The following HADHA variants were observed in gnomAD, a reference collection of about 807,000 sequenced individuals.
The protein encoded by HADHA is trifunctional enzyme subunit alpha, mitochondrial.
Under a neutral mutation model 91.3 loss-of-function variants are expected in HADHA, and 59 were observed. That is an observed-to-expected ratio of 0.65 (90% CI 0.52 to 0.80). The LOEUF (loss-of-function observed/expected upper bound fraction) is 0.80, where lower values mean the gene tolerates loss of function less well. Ranked by LOEUF, HADHA falls within the 30% of genes least tolerant of loss-of-function variation. The pLI is 0.00. For synonymous variants in HADHA, 320 were observed against 338.9 expected, an observed-to-expected ratio of 0.94 and a Z score of 0.61; for missense variants, 800 against 927.6, an observed-to-expected ratio of 0.86 and a Z score of 1.79.
At chr2:26,211,876 T>C (rs1670108906) in intron 10 of HADHA, 1 of 152,204 alleles carries the variant, frequency 6.6e-6, no homozygotes, top group South Asian at 2.1e-4. Context: ...AAAAATTCAA[T>C]TTCATCATCT....
At chr2:26,212,927 C>A (rs1239983859) in intron 9 of HADHA, among the ~76,000 whole-genome samples, 1 of 152,202 alleles carries the variant, frequency 6.6e-6, no homozygotes, top group Non-Finnish European at 1.5e-5. Context: ...CCACTTTCAG[C>A]CCTTTTCACT....
intron 13 of HADHA, chr2:26,199,374 CA>C: frequency 6.6e-6 from 1 of 152,182 alleles, no homozygotes; most frequent in East Asian, 1.9e-4. Flanking sequence ...TCTCTAACAA[CA>C]AAAAAACAAA....
Position 26,201,856 on chromosome 2 carries a change from G to A in HADHA, c.1221-536C>T, listed in dbSNP as rs1201843967. ...GTTGCCCAGGCTGGAGTGCAGTGGC[G>A]TGATCTCAGCTCACTGCAACCTCTT... On this transcript the variant is annotated intron_variant, in intron 12 of 19. Coordinates refer to ENST00000380649, the MANE Select transcript of HADHA (RefSeq NM_000182.5). Among the ~76,000 whole-genome samples, 7 of 151,424 alleles carry A rather than the reference G, an allele frequency of 4.6e-5. No individual in the cohort carries two copies. The South Asian group carries it at 6.2e-4, about 13-fold the overall frequency.
chr2:26,191,352 C>T lies in HADHA; in HGVS notation c.2190G>A (p.Val730=), dbSNP rs762118700. 6.2e-7 allele frequency: 1 copy of T among 1,614,176 alleles called. No homozygotes were observed. Among genetic ancestry groups the T allele is most frequent in the South Asian group, 1.1e-5 (1 of 91,082 alleles). Residue 730 remains valine, a synonymous_variant, in exon 20 of 20, where the codon GTG becomes GTA. Coordinates refer to ENST00000380649, the MANE Select transcript of HADHA (RefSeq NM_000182.5). ...FVDLYGAQKI[V]DRLKKYEAAY... is the part of the protein sequence containing the mutation. The stretch of plus-strand genomic sequence containing the variant: ...CAGCTTCATATTTCTTGAGCCGGTC[C>T]ACTATCTTCTGGGCGCCATACAGAT...
chr2:26,230,847 G>T (rs1007791387), intron 6 of HADHA, among the ~76,000 whole-genome samples: 1 of 152,002 alleles, frequency 6.6e-6, no homozygotes, highest in African/African-American at 2.4e-5. Context: ...GCTTGAATCC[G>T]GAGGCAGAGG....
chr2:26,235,545 G>C (rs1004103393), intron 4 of HADHA, among the ~76,000 whole-genome samples: 19 of 152,192 alleles, frequency 1.2e-4, no homozygotes, highest in African/African-American at 4.6e-4. Flanking sequence ...AGGTACATCA[G>C]TGTCTTGTTA....
intron 11 of HADHA, among the ~76,000 whole-genome samples, chr2:26,206,926 G>A (rs578139315): frequency 2.6e-5 from 4 of 152,098 alleles, no homozygotes; most frequent in African/African-American, 9.6e-5. Context: ...GGCCAGGCAT[G>A]GTGGCACATG....
In HADHA at chr2:26,192,394, T is replaced by TA; in HGVS notation, c.1915dup (p.Tyr639LeufsTer13). On this transcript the variant is annotated frameshift_variant, in exon 18 of 20. Coordinates refer to ENST00000380649, the MANE Select transcript of HADHA (RefSeq NM_000182.5). LOFTEE classifies it high-confidence loss of function. ...ATCCTTCCTCTTCACACCCTCCTGA[T>TA]AGATGTAAAAGCCCTTCCCAGATTT... 6.2e-7 allele frequency: 1 copy of TA among 1,605,598 alleles called. No individual in the cohort carries two copies. Among genetic ancestry groups the TA allele is most frequent in the Non-Finnish European group, 8.5e-7 (1 of 1,172,226 alleles).
chr2:26,219,877 A>G (rs1670333056), intron 7 of HADHA, among the ~76,000 whole-genome samples: 1 of 152,204 alleles, frequency 6.6e-6, no homozygotes, highest in African/African-American at 2.4e-5. Context: ...AGGTCTGGTA[A>G]ACAGAAGTAT....
chr2:26,223,367 G>C (rs904280595), intron 7 of HADHA, among the ~76,000 whole-genome samples: 11 of 152,246 alleles, frequency 7.2e-5, no homozygotes, highest in Admixed American at 3.9e-4. Context: ...CCTCTAATTA[G>C]TCAGTAGAAG....
At position 26,238,847 on chromosome 2, in the gene HADHA, T is replaced by A. The variant is rs1040642457; in HGVS notation, c.180+87A>T. ...TAAGATTACTGCCAGATTGGTAGAT[T>A]TGGGGAAATATGGGATACATCTTTC... On this transcript the variant is annotated intron_variant, in intron 3 of 19. Transcript: ENST00000380649. The A allele has an allele frequency of 1.0e-4, 88 of 854,082 alleles. 1 individual carries two copies. In the South Asian group the frequency reaches 1.1e-3, roughly 11 times the overall value. The allele number at this position is 854,082 out of a possible 1,614,324, so 52.9% of individuals were successfully genotyped here.
Position 26,214,297 on chromosome 2 carries a change from C to A in HADHA, c.918+146G>T. 2.7e-6 allele frequency: 2 copies of A among 734,578 alleles called. No individual in the cohort carries two copies. The highest frequency in any genetic ancestry group is 1.5e-5 in the South Asian group (1 of 67,004). The allele number at this position is 734,578 out of a possible 1,614,324, so 45.5% of individuals were successfully genotyped here. A position where few individuals can be genotyped will look rare whatever the true frequency, so the allele number is the denominator to read the frequency against. Reference sequence around the variant, plus strand: ...ATATGAGTCCTTACAGCTTGCTATGCCCTTCCCTTATTTTTGGTAAATACT... The same window carrying A: ...ATATGAGTCCTTACAGCTTGCTATGACCTTCCCTTATTTTTGGTAAATACT... On this transcript the variant is annotated intron_variant, in intron 9 of 19. Coordinates refer to ENST00000380649, the MANE Select transcript of HADHA (RefSeq NM_000182.5). This position sits in a 1 kb window ranked among gnomAD's most constrained non-coding sequence, Gnocchi z 4.1.
chr2:26,236,359 G>GTGTGTGTATATA (rs141555532), intron 4 of HADHA, among the ~76,000 whole-genome samples: 81 of 137,926 alleles, frequency 5.9e-4, no homozygotes, highest in African/African-American at 2.2e-3. Context: ...GTGTGTGTGT[G>GTGTGTGTATATA]TATATATATA....
chr2:26,223,993 C>A (rs1415806291), intron 7 of HADHA, among the ~76,000 whole-genome samples: 1 of 152,194 alleles, frequency 6.6e-6, no homozygotes, highest in Non-Finnish European at 1.5e-5. Context: ...GTGATCTGCC[C>A]GCCTTGGCCT....
intron 1 of HADHA, among the ~76,000 whole-genome samples, chr2:26,241,427 C>T (rs948111046): frequency 5.3e-5 from 8 of 151,386 alleles, no homozygotes; most frequent in African/African-American, 1.9e-4. Context: ...AGAGACCAGC[C>T]TGGCTGACAT....
chr2:26,239,629 G>A (rs1249875773), intron 1 of HADHA, among the ~76,000 whole-genome samples: 2 of 151,630 alleles, frequency 1.3e-5, no homozygotes. Context: ...TGCTGCCTCC[G>A]TATTTTCTCT....
At chr2:26,224,824 T>G (rs1484700669) in intron 7 of HADHA, among the ~76,000 whole-genome samples, 1 of 152,198 alleles carries the variant, frequency 6.6e-6, no homozygotes. Context: ...CAATAAACAT[T>G]AACCTAGATG....
At chr2:26,217,674 G>A (rs961966779) in intron 7 of HADHA, among the ~76,000 whole-genome samples, 25 of 152,292 alleles carry the variant, frequency 1.6e-4, no homozygotes, top group Non-Finnish European at 1.0e-4. Flanking sequence ...GCTGAGGTGG[G>A]AGGATCACGT....
intron 13 of HADHA, among the ~76,000 whole-genome samples, chr2:26,200,135 ATGTT>A (rs148361135): frequency 0.018 from 2,775 of 152,146 alleles, 95 homozygotes; most frequent in African/African-American, 0.062. Flanking sequence ...AGAGAAGATA[ATGTT>A]TGTTTGTTTG....
Sources: allele counts gnomAD v4.1 joint callset (sites outside exome capture counted in the v4.1 genomes callset), GRCh38; gene constraint gnomAD v4.1.1; non-coding constraint Gnocchi (gnomAD v3.1); transcripts MANE v1.5; gene names NCBI Gene and HGNC (gene_info 2026-07-23, HGNC 2026-07-21).